The following PKNOX2 variants were observed in gnomAD, a reference collection of about 807,000 sequenced individuals.
The protein encoded by PKNOX2 is homeobox protein PKNOX2.
In PKNOX2, 14 loss-of-function variants were observed where a neutral mutation model predicts 53.1. The observed-to-expected ratio is 0.26, with a 90% confidence interval of 0.17 to 0.41. PKNOX2 has a LOEUF of 0.41. Among genes scored for constraint, PKNOX2 ranks in the 10% least tolerant of loss-of-function variants. PKNOX2 has a pLI of 1.00. For synonymous variants in PKNOX2, 257 were observed against 242.8 expected, an observed-to-expected ratio of 1.06 and a Z score of -0.54; for missense variants, 496 against 602.8, an observed-to-expected ratio of 0.82 and a Z score of 1.85.
At chr11:125,195,782 C>G (rs1957139251) in intron 1 of PKNOX2, among the ~76,000 whole-genome samples, 1 of 152,084 alleles carries the variant, frequency 6.6e-6, no homozygotes, top group African/African-American at 2.4e-5. Context: ...TTCTCCAACT[C>G]CAACACTGGT....
At chr11:125,381,993 C>T (rs1953263423) in intron 5 of PKNOX2, among the ~76,000 whole-genome samples, 1 of 152,188 alleles carries the variant, frequency 6.6e-6, no homozygotes, top group African/African-American at 2.4e-5. Flanking sequence ...CCCTCCTCTC[C>T]CTACCCAAAG....
At chr11:125,384,064 G>A (rs1420500702) in intron 5 of PKNOX2, among the ~76,000 whole-genome samples, 1 of 152,148 alleles carries the variant, frequency 6.6e-6, no homozygotes, top group Non-Finnish European at 1.5e-5. Flanking sequence ...GGGACTCTCT[G>A]GAGTCCAGTG....
chr11:125,291,542 C>T (rs1278463630), intron 2 of PKNOX2, among the ~76,000 whole-genome samples: 1 of 152,164 alleles, frequency 6.6e-6, no homozygotes, highest in Admixed American at 6.5e-5. Flanking sequence ...ACCATTTGAG[C>T]CAGCAATTTC....
At chr11:125,362,171 T>A (rs1029661513) in intron 4 of PKNOX2, among the ~76,000 whole-genome samples, 3 of 152,144 alleles carry the variant, frequency 2.0e-5, no homozygotes, top group African/African-American at 7.2e-5. Flanking sequence ...CCCCTACACC[T>A]CCTGCCTCTT....
At chr11:125,237,567 G>A (rs571559240) in intron 2 of PKNOX2, among the ~76,000 whole-genome samples, 2 of 152,264 alleles carry the variant, frequency 1.3e-5, no homozygotes, top group South Asian at 2.1e-4. Context: ...CCCTTCTTTG[G>A]GGGTGATTTG....
chr11:125,341,608 A>G (rs1950690114), intron 3 of PKNOX2, among the ~76,000 whole-genome samples: 1 of 152,194 alleles, frequency 6.6e-6, no homozygotes, highest in Non-Finnish European at 1.5e-5. Flanking sequence ...ATGCATGATG[A>G]TTATTCCCGC....
intron 2 of PKNOX2, among the ~76,000 whole-genome samples, chr11:125,268,164 T>C (rs1945504765): frequency 6.6e-6 from 1 of 152,156 alleles, no homozygotes; most frequent in Non-Finnish European, 1.5e-5. Context: ...TGCCCCTCCC[T>C]GCTCTCATCT....
At chr11:125,283,373 T>A (rs1946699055) in intron 2 of PKNOX2, among the ~76,000 whole-genome samples, 1 of 152,198 alleles carries the variant, frequency 6.6e-6, no homozygotes, top group Non-Finnish European at 1.5e-5. Context: ...GCCCCTTCAG[T>A]GTGTTCCCTC....
chr11:125,322,545 C>T (rs1949580984), intron 2 of PKNOX2, among the ~76,000 whole-genome samples: 3 of 152,328 alleles, frequency 2.0e-5, no homozygotes, highest in South Asian at 2.1e-4. Flanking sequence ...CCCAGGATGG[C>T]GCTGCTCTCG....
chr11:125,429,355 CGCCCACCTGAGCACCCA>C (rs1013240652), intron 11 of PKNOX2, among the ~76,000 whole-genome samples: 1 of 152,214 alleles, frequency 6.6e-6, no homozygotes, highest in African/African-American at 2.4e-5. Flanking sequence ...AGAAAACCCA[CGCCCACCTGAGCACCCA>C]GCCCACCTGC....
chr11:125,423,277 C>A (rs1156602388), intron 10 of PKNOX2, among the ~76,000 whole-genome samples: 1 of 152,190 alleles, frequency 6.6e-6, no homozygotes, highest in African/African-American at 2.4e-5. Flanking sequence ...TCACGTACTT[C>A]TAACAGTACT....
At chr11:125,380,060 G>A (rs1021813527) in intron 5 of PKNOX2, among the ~76,000 whole-genome samples, 7 of 152,244 alleles carry the variant, frequency 4.6e-5, no homozygotes, top group Middle Eastern at 3.4e-3. Context: ...AATGTTATTC[G>A]CGATCATCTC....
chr11:125,389,500 A>G (rs918330685), intron 6 of PKNOX2, among the ~76,000 whole-genome samples: 1 of 152,130 alleles, frequency 6.6e-6, no homozygotes, highest in African/African-American at 2.4e-5. Flanking sequence ...TCCCCTGGGA[A>G]AGGCCGGCTT....
In PKNOX2 at chr11:125,429,917, C is replaced by T. The variant is rs200614854; in HGVS notation, c.1014-46C>T. On this transcript the variant is annotated intron_variant, in intron 11 of 12. Transcript: ENST00000298282. Reference sequence around the variant, plus strand: ...CACCCTCCCTGCCCCCACCCCAAGGCCATGCAGGTGATGACTAACCAGGTC... The same window carrying T: ...CACCCTCCCTGCCCCCACCCCAAGGTCATGCAGGTGATGACTAACCAGGTC... 361 of 1,578,312 alleles carry T rather than the reference C, an allele frequency of 2.3e-4. 1 individual carries two copies. The African/African-American group carries it at 3.9e-3, about 17-fold the overall frequency.
chr11:125,312,956 C>G (rs1417354506), intron 2 of PKNOX2, among the ~76,000 whole-genome samples: 1 of 152,110 alleles, frequency 6.6e-6, no homozygotes, highest in Non-Finnish European at 1.5e-5. Context: ...ATAAGGAAGG[C>G]CTTCGCTCGC....
intron 2 of PKNOX2, among the ~76,000 whole-genome samples, chr11:125,242,444 A>T (rs1412979001): frequency 6.6e-6 from 1 of 151,958 alleles, no homozygotes; most frequent in Non-Finnish European, 1.5e-5. Flanking sequence ...GGGTTCATAC[A>T]TGTTCTAGGA....
chr11:125,420,168 C>T (rs969685841), intron 10 of PKNOX2, among the ~76,000 whole-genome samples: 1 of 149,252 alleles, frequency 6.7e-6, no homozygotes, highest in Non-Finnish European at 1.5e-5. Context: ...GCCTGGACAA[C>T]AGAGTAAGAC....
intron 1 of PKNOX2, among the ~76,000 whole-genome samples, chr11:125,206,615 C>A (rs922180230): frequency 6.6e-6 from 1 of 152,036 alleles, no homozygotes; most frequent in African/African-American, 2.4e-5. Flanking sequence ...TTGCTACTTG[C>A]GAGCTGGTGA....
intron 1 of PKNOX2, among the ~76,000 whole-genome samples, chr11:125,183,864 G>A (rs1345219736): frequency 6.6e-6 from 1 of 152,164 alleles, no homozygotes; most frequent in African/African-American, 2.4e-5. Context: ...TGTGGTCAGG[G>A]AACGGTTACA....
Sources: allele counts gnomAD v4.1 joint callset (sites outside exome capture counted in the v4.1 genomes callset), GRCh38; gene constraint gnomAD v4.1.1; transcripts MANE v1.5; gene names NCBI Gene and HGNC (gene_info 2026-07-23, HGNC 2026-07-21).